NFKB1: variants seen among roughly 807,000 people sequenced by gnomAD.
NFKB1 encodes the protein nuclear factor NF-kappa-B p105 subunit.
A neutral mutation model predicts 105.1 loss-of-function variants in NFKB1; 9 were observed. The ratio of observed to expected loss-of-function variants is 0.09; its 90% CI spans 0.05 to 0.15. NFKB1 has a LOEUF of 0.15. Ranked by LOEUF, NFKB1 falls within the 10% of genes least tolerant of loss-of-function variation. The probability of loss-of-function intolerance (pLI) is 1.00; values close to 1 mark genes in which losing one functional copy is unlikely to be tolerated. For synonymous variants in NFKB1, 440 were observed against 442.2 expected (o/e 1.00, Z 0.06); for missense variants, 830 against 1,203.7 (o/e 0.69, Z 4.59).
chr4:102,574,114 G>A (rs1475379041), intron 6 of NFKB1, among the ~76,000 whole-genome samples: 1 of 114,466 alleles, frequency 8.7e-6, no homozygotes, highest in Non-Finnish European at 1.8e-5. Flanking sequence ...GTATCGTTAA[G>A]TCTTGGATTC....
chr4:102,533,052 A>G (rs370733261), intron 3 of NFKB1, among the ~76,000 whole-genome samples: 1 of 152,216 alleles, frequency 6.6e-6, no homozygotes, highest in African/African-American at 2.4e-5. Context: ...ACTAATTTGC[A>G]TGTACCTATC....
intron 6 of NFKB1, among the ~76,000 whole-genome samples, chr4:102,571,675 A>G (rs1448975957): frequency 6.6e-6 from 1 of 152,242 alleles, no homozygotes. Context: ...TGGGCAAAGG[A>G]TATGAACAGA....
chr4:102,522,608 T>C (rs926712052), intron 1 of NFKB1, among the ~76,000 whole-genome samples: 10 of 152,204 alleles, frequency 6.6e-5, no homozygotes, highest in Admixed American at 2.0e-4. Flanking sequence ...GAGGACTGCT[T>C]TATGTTAACT....
chr4:102,615,043 T>C (rs1728816664), intron 23 of NFKB1, among the ~76,000 whole-genome samples: 1 of 152,180 alleles, frequency 6.6e-6, no homozygotes. Flanking sequence ...GCACGGCTCC[T>C]ACTCAGTCCC....
chr4:102,560,634 C>T (rs1723347350), intron 5 of NFKB1, among the ~76,000 whole-genome samples: 1 of 152,134 alleles, frequency 6.6e-6, no homozygotes, highest in Admixed American at 6.5e-5. Flanking sequence ...CCATCCCCTA[C>T]CTTACTGAGA....
At chr4:102,588,646 A>G (rs558886298) in intron 11 of NFKB1, among the ~76,000 whole-genome samples, 1 of 152,270 alleles carries the variant, frequency 6.6e-6, no homozygotes, top group South Asian at 2.1e-4. Context: ...ACACTAGGAG[A>G]TTATCCATAT....
At chr4:102,519,571 A>C (rs964455904) in intron 1 of NFKB1, among the ~76,000 whole-genome samples, 1 of 152,052 alleles carries the variant, frequency 6.6e-6, no homozygotes, top group Non-Finnish European at 1.5e-5. Flanking sequence ...TTGCCTTGTG[A>C]ATAACTCATT....
chr4:102,561,268 T>TCC (rs1171501986), intron 5 of NFKB1, among the ~76,000 whole-genome samples: 305 of 131,044 alleles, frequency 2.3e-3, no homozygotes, highest in African/African-American at 9.0e-3. Flanking sequence ...TTCTTTCCTT[T>TCC]TTTTTTTTTT....
At chr4:102,609,728 T>A (rs1055847330) in intron 19 of NFKB1, among the ~76,000 whole-genome samples, 1 of 151,478 alleles carries the variant, frequency 6.6e-6, no homozygotes, top group Non-Finnish European at 1.5e-5. Context: ...GCCTCATAGA[T>A]CAGGCCAGAA....
At chr4:102,526,403 G>A (rs1269036166) in intron 2 of NFKB1, among the ~76,000 whole-genome samples, 1 of 152,188 alleles carries the variant, frequency 6.6e-6, no homozygotes, top group East Asian at 1.9e-4. Flanking sequence ...TGGGTACAAT[G>A]TATGTTATTT....
chr4:102,515,774 C>T (rs994820088), intron 1 of NFKB1, among the ~76,000 whole-genome samples: 2 of 152,096 alleles, frequency 1.3e-5, no homozygotes, highest in African/African-American at 4.8e-5. Context: ...AACAGTCAAT[C>T]GTCTGTTTAG....
In NFKB1 at chr4:102,576,918, A is replaced by G; in HGVS notation, c.450A>G (p.Val150=). ...TACTTCATGTGACAAAGAAAAAAGT[A>G]TTTGAAACACTGGAAGCACGAATGA... The part of the protein sequence containing the change: ...LGILHVTKKK[V]FETLEARMTE... The change falls in exon 7 of 24, where the codon GTA becomes GTG. Residue 150 remains valine, a synonymous_variant. Coordinates refer to ENST00000226574, the MANE Select transcript of NFKB1 (RefSeq NM_003998.4). 1 of 1,613,620 alleles carries G rather than the reference A, an allele frequency of 6.2e-7. No individual in the cohort carries two copies. Among genetic ancestry groups the G allele is most frequent in the Non-Finnish European group, 8.5e-7 (1 of 1,179,844 alleles).
intron 9 of NFKB1, 100 bp from the exon 10 acceptor site, chr4:102,582,766 A>T: frequency 3.0e-6 from 2 of 673,890 alleles, no homozygotes; most frequent in Non-Finnish European, 4.9e-6. Context: ...AAGTGTAAAT[A>T]GATAGTAGGT....
chr4:102,556,796 G>A (rs143022579), intron 5 of NFKB1, among the ~76,000 whole-genome samples: 336 of 152,284 alleles, frequency 2.2e-3, no homozygotes, highest in African/African-American at 7.7e-3. Flanking sequence ...GTAGAGAAGA[G>A]CAAATGAAAG....
At chr4:102,510,022 C>G (rs775894457) in intron 1 of NFKB1, among the ~76,000 whole-genome samples, 4 of 152,196 alleles carry the variant, frequency 2.6e-5, no homozygotes, top group Non-Finnish European at 4.4e-5. Context: ...CACCGACTTT[C>G]AGTTTCCTAT....
chr4:102,582,083 A>G lies in NFKB1; in HGVS notation c.836-783A>G, dbSNP rs112440179. The stretch of plus-strand genomic sequence containing the variant: ...TGTAGAAGTGAATAGAGTATTTATA[A>G]ACATGCTGAACATGGAGTATTTATA... On this transcript the variant is annotated intron_variant, in intron 9 of 23. Coordinates refer to ENST00000226574, the MANE Select transcript of NFKB1 (RefSeq NM_003998.4). Among the ~76,000 whole-genome samples the G allele has an allele frequency of 3.5e-3, 537 of 152,312 alleles. 4 individuals are homozygous for G. The highest frequency in any genetic ancestry group is 0.012 in the African/African-American group (514 of 41,558).
At chr4:102,561,325 G>A (rs932374768) in intron 5 of NFKB1, among the ~76,000 whole-genome samples, 1 of 145,296 alleles carries the variant, frequency 6.9e-6, no homozygotes, top group African/African-American at 2.6e-5. Context: ...CAACCTCACA[G>A]AAAAGAATGA....
intron 19 of NFKB1, among the ~76,000 whole-genome samples, chr4:102,608,481 A>G (rs139466018): frequency 2.6e-5 from 4 of 152,248 alleles, no homozygotes; most frequent in East Asian, 3.9e-4. Flanking sequence ...TCTCTCTCCT[A>G]TTTTGCTCAT....
intron 5 of NFKB1, among the ~76,000 whole-genome samples, chr4:102,558,438 C>T (rs566806669): frequency 6.6e-6 from 1 of 151,660 alleles, no homozygotes; most frequent in Admixed American, 6.6e-5. Flanking sequence ...GACAAAATAA[C>T]AAAAAAAAGA....
Sources: gnomAD v4.1 joint callset for allele counts (sites outside exome capture counted in the v4.1 genomes callset) on GRCh38, gnomAD v4.1.1 for gene constraint, MANE v1.5 for transcripts, NCBI Gene and HGNC (gene_info 2026-07-23, HGNC 2026-07-21) for gene names.